Variants in WFDC10B observed in about 807,000 individuals in gnomAD.
WFDC10B encodes the protein protein WFDC10B.
In WFDC10B, 1 loss-of-function variant was observed where a neutral mutation model predicts 2.7. That is an observed-to-expected ratio of 0.38 (90% confidence interval 0.13 to 1.79). The LOEUF is 1.79. WFDC10B is among the 40% of genes most tolerant of loss of function. The pLI, the probability that WFDC10B is intolerant of heterozygous loss-of-function variation, is 0.33. For synonymous variants in WFDC10B, 26 were observed against 32.2 expected, an observed-to-expected ratio of 0.81 and a Z score of 0.65; for missense variants, 71 against 87.8, an observed-to-expected ratio of 0.81 and a Z score of 0.76.
chr20:45,691,719 G>A (rs1476660932), intron 2 of WFDC10B, among the ~76,000 whole-genome samples: 2 of 151,916 alleles, frequency 1.3e-5, no homozygotes, highest in Non-Finnish European at 2.9e-5. Flanking sequence ...TTTATTTTGA[G>A]CCTATGTGTG....
chr20:45,689,968 G>C (rs945529927), intron 2 of WFDC10B, among the ~76,000 whole-genome samples: 16 of 151,678 alleles, frequency 1.1e-4, no homozygotes, highest in African/African-American at 3.6e-4. Context: ...GTATGATGTT[G>C]GCTGTGGGTT....
At chr20:45,687,890 ATACT>A (rs1345629752) in intron 2 of WFDC10B, among the ~76,000 whole-genome samples, 2 of 147,740 alleles carry the variant, frequency 1.4e-5, no homozygotes, top group Non-Finnish European at 3.0e-5. Flanking sequence ...TATTATTATT[ATACT>A]TTAAGTTTTA....
chr20:45,688,242 T>C (rs780425259), intron 2 of WFDC10B, among the ~76,000 whole-genome samples: 2,119 of 152,152 alleles, frequency 0.014, 87 homozygotes, highest in Admixed American at 0.098. Context: ...CCATGGTGTA[T>C]ATGTGCCACA....
chr20:45,686,538 TTG>T (rs1491111520), intron 2 of WFDC10B, among the ~76,000 whole-genome samples: 2 of 136,474 alleles, frequency 1.5e-5, no homozygotes, highest in Admixed American at 1.6e-4. Flanking sequence ...CATAATTTTT[TTG>T]GGGGGGGGCG....
intron 2 of WFDC10B, among the ~76,000 whole-genome samples, chr20:45,687,530 A>G (rs1983660325): frequency 6.6e-6 from 1 of 152,192 alleles, no homozygotes; most frequent in South Asian, 2.1e-4. Context: ...TATACCCAGT[A>G]ATGGGGTTGC....
chr20:45,700,011 T>C (rs1471548187), intron 2 of WFDC10B, among the ~76,000 whole-genome samples: 1 of 152,222 alleles, frequency 6.6e-6, no homozygotes, highest in African/African-American at 2.4e-5. Context: ...ATCACACTTT[T>C]AGAAATTTAC....
intron 2 of WFDC10B, among the ~76,000 whole-genome samples, chr20:45,690,442 A>G (rs1983774686): frequency 6.6e-6 from 1 of 151,770 alleles, no homozygotes; most frequent in South Asian, 2.1e-4. Flanking sequence ...TACCTCTGGT[A>G]GAATTCGGCT....
At chr20:45,695,621 T>C (rs1983952673) in intron 2 of WFDC10B, among the ~76,000 whole-genome samples, 1 of 152,090 alleles carries the variant, frequency 6.6e-6, no homozygotes, top group Non-Finnish European at 1.5e-5. Context: ...AACTGGAAAA[T>C]TCTCAAAAAT....
intron 2 of WFDC10B, among the ~76,000 whole-genome samples, chr20:45,686,956 C>A (rs928605639): frequency 6.6e-6 from 1 of 152,146 alleles, no homozygotes; most frequent in South Asian, 2.1e-4. Flanking sequence ...CCACCACACT[C>A]GGCCTAATTA....
intron 2 of WFDC10B, among the ~76,000 whole-genome samples, chr20:45,693,480 C>T (rs1379130897): frequency 6.6e-6 from 1 of 152,226 alleles, no homozygotes; most frequent in African/African-American, 2.4e-5. Flanking sequence ...GTGGGCTCCA[C>T]CCAGTTGGAG....
intron 2 of WFDC10B, chr20:45,702,107 C>T: frequency 6.2e-7 from 1 of 1,610,638 alleles, no homozygotes; most frequent in Non-Finnish European, 8.5e-7. Context: ...AACTTACTCA[C>T]CCATCCCACT....
chr20:45,699,822 G>C (rs1367087642), intron 2 of WFDC10B, among the ~76,000 whole-genome samples: 1 of 152,152 alleles, frequency 6.6e-6, no homozygotes, highest in Non-Finnish European at 1.5e-5. Flanking sequence ...GGGACTACAG[G>C]CATGTGCCAC....
chr20:45,688,121 G>A (rs544038278), intron 2 of WFDC10B, among the ~76,000 whole-genome samples: 8 of 147,726 alleles, frequency 5.4e-5, no homozygotes, highest in South Asian at 2.2e-4. Flanking sequence ...GAGAATATGC[G>A]GTGTTTGGTT....
intron 2 of WFDC10B, among the ~76,000 whole-genome samples, chr20:45,698,966 TAAAA>T (rs113263985): frequency 2.5e-5 from 3 of 122,448 alleles, no homozygotes; most frequent in African/African-American, 9.3e-5. Context: ...AGAATCCATC[TAAAA>T]AAAAAAAAAA....
chr20:45,693,735 C>G (rs1300612418), intron 2 of WFDC10B, among the ~76,000 whole-genome samples: 1 of 152,228 alleles, frequency 6.6e-6, no homozygotes, highest in Non-Finnish European at 1.5e-5. Context: ...GTCTGTCACC[C>G]CTTTCTTTGA....
In WFDC10B at chr20:45,704,939, C is replaced by G; in HGVS notation, c.-151G>C. 1 of 1,614,126 alleles carries G rather than the reference C, an allele frequency of 6.2e-7. No homozygotes were observed. On this transcript the variant is annotated 5_prime_UTR_variant, in exon 1 of 4. Coordinates refer to ENST00000330523, the MANE Select transcript of WFDC10B (RefSeq NM_172006.2). ...GTACCTGCAGGTGTAACCAAAATCC[C>G]AAAGCAAAATTTGTCCTACACTTTT... is the stretch of plus-strand genomic sequence containing the variant.
Position 45,687,869 on chromosome 20 carries a change from A to ATTAT in WFDC10B, c.-64-1817_-64-1814dup, listed in dbSNP as rs1276606952. ...ATTGCTTGTCTTTTCTTTTATTATTATTATTATTATTATTATTATTATACT... is the reference window on the plus strand; with the variant it reads ...ATTGCTTGTCTTTTCTTTTATTATTATTATTTATTATTATTATTATTATTATACT... On this transcript the variant is annotated intron_variant, in intron 2 of 3. Coordinates refer to ENST00000330523, the MANE Select transcript of WFDC10B (RefSeq NM_172006.2). Among the ~76,000 whole-genome samples, 281 of 146,514 alleles carry ATTAT rather than the reference A, an allele frequency of 1.9e-3. 2 individuals are homozygous for ATTAT. Among genetic ancestry groups the ATTAT allele is most frequent in the African/African-American group, 6.5e-3 (261 of 40,264 alleles).
intron 2 of WFDC10B, among the ~76,000 whole-genome samples, chr20:45,697,876 TG>T (rs1463128027): frequency 6.6e-6 from 1 of 151,670 alleles, no homozygotes; most frequent in Admixed American, 6.6e-5. Context: ...CCCGAGTAGC[TG>T]GGACTACCAG....
chr20:45,687,350 T>C (rs1044565799), intron 2 of WFDC10B, among the ~76,000 whole-genome samples: 1 of 152,210 alleles, frequency 6.6e-6, no homozygotes, highest in African/African-American at 2.4e-5. Context: ...ATCTCATTCC[T>C]TTTTATGCCA....
Sources: allele counts gnomAD v4.1 joint callset (sites outside exome capture counted in the v4.1 genomes callset), GRCh38; gene constraint gnomAD v4.1.1; transcripts MANE v1.5; gene names NCBI Gene and HGNC (gene_info 2026-07-23, HGNC 2026-07-21).